Variants in CNTNAP3B observed in about 807,000 individuals in gnomAD.
CNTNAP3B encodes contactin associated protein family member 3B, also known as contactin-associated protein-like 3B.
CNTNAP3B carries 25 observed loss-of-function variants against 108.9 expected under a neutral mutation model. The observed-to-expected ratio is 0.23, with a 90% CI of 0.17 to 0.32. The LOEUF is 0.32. Among genes scored for constraint, CNTNAP3B ranks in the 10% least tolerant of loss-of-function variants. The pLI, the probability that CNTNAP3B is intolerant of heterozygous loss-of-function variation, is 1.00. For missense variants in CNTNAP3B, 252 were observed against 1,210.4 expected, an observed-to-expected ratio of 0.21 and a Z score of 11.75; for synonymous variants, 103 against 473.4, an observed-to-expected ratio of 0.22 and a Z score of 10.16.
intron 14 of CNTNAP3B, among the ~76,000 whole-genome samples, chr9:41,931,301 G>T (rs1331040200): frequency 1.3e-5 from 2 of 152,268 alleles, no homozygotes; most frequent in African/African-American, 4.8e-5. Flanking sequence ...CCATCACTTT[G>T]AGCAGTTATC....
chr9:42,002,833 A>C (rs1564172288), intron 4 of CNTNAP3B, among the ~76,000 whole-genome samples: 1 of 135,284 alleles, frequency 7.4e-6, no homozygotes, highest in Non-Finnish European at 1.6e-5. Flanking sequence ...AAGCTAAGAC[A>C]TAAGTAATTT....
chr9:41,933,417 G>T (rs1450383932), intron 14 of CNTNAP3B, among the ~76,000 whole-genome samples: 2,712 of 150,990 alleles, frequency 0.018, 10 homozygotes, highest in African/African-American at 0.063. Flanking sequence ...TACTATCCAC[G>T]ACAGTAGTGA....
rs1824453924 is a variant in CNTNAP3B, at chr9:41,944,224, A to C, written c.2081-5824T>G. 3.4e-5 allele frequency among the ~76,000 whole-genome samples: 5 copies of C among 148,708 alleles called. No individual in the cohort carries two copies. In the South Asian group the frequency reaches 1.1e-3, roughly 32 times the overall value. ...AGAGAAAAGAAAAACAATATAGGTC[A>C]AAAACACAGAAATACATAAAGAAAG... is the stretch of plus-strand genomic sequence containing the variant. On this transcript the variant is annotated intron_variant, in intron 13 of 23. Coordinates refer to ENST00000377561, the MANE Select transcript of CNTNAP3B (RefSeq NM_001201380.3).
intron 12 of CNTNAP3B, among the ~76,000 whole-genome samples, chr9:41,959,661 C>T (rs1379377199): frequency 1.3e-5 from 2 of 152,312 alleles, no homozygotes; most frequent in African/African-American, 2.4e-5. Flanking sequence ...ATCTTCAGCA[C>T]ATTGCTGTGC....
chr9:41,926,386 G>A (rs1823819688), intron 15 of CNTNAP3B, among the ~76,000 whole-genome samples: 1 of 152,308 alleles, frequency 6.6e-6, no homozygotes, highest in Non-Finnish European at 1.5e-5. Context: ...ATAAGGAAAG[G>A]AAAAGAGAAA....
intron 10 of CNTNAP3B, among the ~76,000 whole-genome samples, chr9:41,968,898 G>T (rs1825360079): frequency 6.6e-6 from 1 of 151,860 alleles, no homozygotes; most frequent in South Asian, 2.1e-4. Flanking sequence ...CCGGGTTCAC[G>T]CCATTCTCCT....
chr9:42,061,465 G>T (rs529842613), intron 3 of CNTNAP3B, among the ~76,000 whole-genome samples: 5 of 134,016 alleles, frequency 3.7e-5, no homozygotes, highest in Non-Finnish European at 4.7e-5. Context: ...CAGCAGGCGA[G>T]CACCATGCCC....
chr9:41,957,654 T>C (rs1824902596), intron 12 of CNTNAP3B, among the ~76,000 whole-genome samples: 1 of 151,610 alleles, frequency 6.6e-6, no homozygotes, highest in Non-Finnish European at 1.5e-5. Flanking sequence ...CTATCTACTT[T>C]ACCCATTACA....
At position 42,076,466 on chromosome 9, in the gene CNTNAP3B, T is replaced by G. The variant is rs570025486; in HGVS notation, c.390+403A>C. Among the ~76,000 whole-genome samples the G allele has an allele frequency of 6.4e-5, 8 of 125,044 alleles. 1 individual carries two copies. The East Asian group carries it at 1.2e-3, about 19-fold the overall frequency. 82.0% of individuals were successfully genotyped at this position (125,044 alleles called of 152,430 possible). A position where few individuals can be genotyped will look rare whatever the true frequency, so the allele number is the denominator to read the frequency against. ...AAAAACAAGAAAAACTAAATCTGGC[T>G]GCTTAATAAAGGACACACAATTCTT... On this transcript the variant is annotated intron_variant, in intron 3 of 23. Coordinates refer to ENST00000377561, the MANE Select transcript of CNTNAP3B (RefSeq NM_001201380.3).
At chr9:42,041,784 C>T (rs4879108) in intron 3 of CNTNAP3B, among the ~76,000 whole-genome samples, 1 of 132,018 alleles carries the variant, frequency 7.6e-6, no homozygotes, top group Non-Finnish European at 1.6e-5. Flanking sequence ...AAGACACATG[C>T]ACGTGTGTTT....
Position 42,011,930 on chromosome 9 carries a change from G to A in CNTNAP3B, c.538+1448C>T, listed in dbSNP as rs1310477224. ...ACATATTATCTGTCTGCATGTTTGG[G>A]TTTTTTTACTAGTAGTCCCTTACAG... On this transcript the variant is annotated intron_variant, in intron 4 of 23. Transcript: ENST00000377561. 4.1e-5 allele frequency among the ~76,000 whole-genome samples: 4 copies of A among 97,006 alleles called. 1 individual carries two copies. The highest frequency in any genetic ancestry group is 1.6e-4 in the African/African-American group (4 of 25,120). 63.6% of individuals were successfully genotyped at this position (97,006 alleles called of 152,430 possible).
intron 2 of CNTNAP3B, among the ~76,000 whole-genome samples, chr9:42,095,193 G>C (rs539790472): frequency 1.4e-5 from 2 of 137,972 alleles, no homozygotes; most frequent in Non-Finnish European, 3.1e-5. Flanking sequence ...CTCCTCTAGC[G>C]TCTGGTAACC....
At chr9:41,969,713 G>T (rs1337196029) in intron 10 of CNTNAP3B, among the ~76,000 whole-genome samples, 1 of 150,246 alleles carries the variant, frequency 6.7e-6, no homozygotes, top group African/African-American at 2.5e-5. Context: ...CACCTCCCGG[G>T]TTCATGCCAT....
chr9:42,114,281 A>T (rs1447230522), intron 1 of CNTNAP3B, among the ~76,000 whole-genome samples: 1 of 128,642 alleles, frequency 7.8e-6, no homozygotes, highest in African/African-American at 3.2e-5. Context: ...GCCCAAAGTA[A>T]TAAACCTGCA....
At chr9:41,941,743 G>C (rs1268369464) in intron 13 of CNTNAP3B, among the ~76,000 whole-genome samples, 2 of 147,344 alleles carry the variant, frequency 1.4e-5, no homozygotes, top group Non-Finnish European at 3.0e-5. Flanking sequence ...GTGGAGTCTG[G>C]TAAAAGCACT....
intron 14 of CNTNAP3B, among the ~76,000 whole-genome samples, chr9:41,937,002 C>T (rs1014285968): frequency 7.4e-4 from 112 of 152,236 alleles, no homozygotes; most frequent in Admixed American, 4.1e-3. Flanking sequence ...GACTACCATG[C>T]AGGCCAAACA....
chr9:41,952,089 G>T (rs557276745), intron 13 of CNTNAP3B, among the ~76,000 whole-genome samples: 41 of 152,290 alleles, frequency 2.7e-4, no homozygotes, highest in African/African-American at 9.6e-4. Flanking sequence ...AGAGGAAATG[G>T]TCTGGCATAT....
Position 41,986,298 on chromosome 9 carries a change from G to A in CNTNAP3B, c.1347C>T (p.Asn449=), listed in dbSNP as rs760743336. The A allele has an allele frequency of 1.2e-5, 13 of 1,100,442 alleles. 4 individuals carry two copies. Among genetic ancestry groups the A allele is most frequent in the East Asian group, 1.3e-4 (2 of 15,378 alleles). The allele number at this position is 1,100,442 out of a possible 1,614,324, so 68.2% of individuals were successfully genotyped here. The change falls in exon 9 of 24, where the codon AAC becomes AAT. Residue 449 remains asparagine, a synonymous_variant. Transcript: ENST00000377561. ...PRNVTAGAGL[N]DGQWHSVSFS... is the part of the protein sequence containing the mutation. ...AGGATACAGAGTGCCACTGCCCATC[G>A]TTTAATCCAGCACCTGGAGGAAATA...
At chr9:41,945,781 C>G (rs1353854516) in intron 13 of CNTNAP3B, among the ~76,000 whole-genome samples, 1 of 152,244 alleles carries the variant, frequency 6.6e-6, no homozygotes, top group African/African-American at 2.4e-5. Context: ...AAATAAAAGA[C>G]TGAGACTGTC....
Sources: allele counts gnomAD v4.1 joint callset (sites outside exome capture counted in the v4.1 genomes callset), GRCh38; gene constraint gnomAD v4.1.1; transcripts MANE v1.5; gene names NCBI Gene and HGNC (gene_info 2026-07-23, HGNC 2026-07-21).